Variants in PBRM1 observed in about 807,000 individuals in gnomAD.
The protein encoded by PBRM1 is polybromo 1, also known as protein polybromo-1.
PBRM1 carries 27 observed loss-of-function variants against 194.5 expected under a neutral mutation model. The ratio of observed to expected loss-of-function variants is 0.14; its 90% CI spans 0.10 to 0.19. PBRM1 has a LOEUF of 0.19. Among genes scored for constraint, PBRM1 ranks in the 10% least tolerant of loss-of-function variants. The pLI is 1.00. For synonymous variants in PBRM1, 655 were observed against 693.2 expected (o/e 0.94, Z 0.87); for missense variants, 1,466 against 2,077.2 (o/e 0.71, Z 5.72).
intron 5 of PBRM1, among the ~76,000 whole-genome samples, 176 bp downstream of exon 6, chr3:52,658,023 C>T (rs1189311543): frequency 6.6e-6 from 1 of 151,678 alleles, no homozygotes; most frequent in Non-Finnish European, 1.5e-5. Flanking sequence ...GAACTCCCAA[C>T]CTCAGATGAT....
intron 21 of PBRM1, among the ~76,000 whole-genome samples, chr3:52,576,901 A>G (rs548467331): frequency 2.0e-5 from 3 of 152,334 alleles, no homozygotes; most frequent in African/African-American, 7.2e-5. Context: ...GGAACATTTG[A>G]CTATTTTTCC....
chr3:52,616,177 CACTGAGG>C (rs1025310623), intron 14 of PBRM1, among the ~76,000 whole-genome samples: 15 of 152,310 alleles, frequency 9.8e-5, no homozygotes, highest in African/African-American at 3.6e-4. Flanking sequence ...TAGCCAATGA[CACTGAGG>C]ACTGTGTAAA....
intron 14 of PBRM1, among the ~76,000 whole-genome samples, chr3:52,616,903 C>T (rs77810318): frequency 0.014 from 2,081 of 152,244 alleles, 18 homozygotes; most frequent in South Asian, 0.035. Context: ...CAGTACCAGG[C>T]ACTCTGCTAA....
At chr3:52,670,922 T>C (rs1417763296) in intron 2 of PBRM1, among the ~76,000 whole-genome samples, 1 of 152,232 alleles carries the variant, frequency 6.6e-6, no homozygotes, top group Non-Finnish European at 1.5e-5. Context: ...CCAGCCTCAC[T>C]GCAGCTAGAT....
intron 14 of PBRM1, among the ~76,000 whole-genome samples, chr3:52,616,585 C>T (rs1443860012): frequency 1.3e-5 from 2 of 151,956 alleles, no homozygotes; most frequent in African/African-American, 2.4e-5. Flanking sequence ...CCCAGCTACT[C>T]GGGAGGCTGA....
chr3:52,570,842 C>A, intron 22 of PBRM1, among the ~76,000 whole-genome samples: 1 of 150,676 alleles, frequency 6.6e-6, no homozygotes. Context: ...TGTGTGTGTG[C>A]GCACATGTGT....
At chr3:52,681,782 G>C, upstream of PBRM1, 3 of 937,520 alleles carry the variant, frequency 3.2e-6, no homozygotes, top group Non-Finnish European at 3.9e-6. Flanking sequence ...GAGAAGGAAG[G>C]GCTTTAGAAG....
At chr3:52,558,953 A>G (rs2082807378) in intron 25 of PBRM1, among the ~76,000 whole-genome samples, 1 of 152,222 alleles carries the variant, frequency 6.6e-6, no homozygotes, top group African/African-American at 2.4e-5. Flanking sequence ...GTAAGGGAAA[A>G]GTAGCTGACT....
At chr3:52,665,987 A>C (rs573810872) in intron 3 of PBRM1, among the ~76,000 whole-genome samples, 1 of 152,354 alleles carries the variant, frequency 6.6e-6, no homozygotes, top group East Asian at 1.9e-4. Context: ...TGCATATTAA[A>C]ACTTCTTAGA....
intron 2 of PBRM1, among the ~76,000 whole-genome samples, chr3:52,669,846 G>T (rs1279602986): frequency 6.6e-6 from 1 of 152,260 alleles, no homozygotes; most frequent in South Asian, 2.1e-4. Context: ...TCAAAACCAG[G>T]AAGTGAATGT....
intron 22 of PBRM1, among the ~76,000 whole-genome samples, chr3:52,569,356 G>T (rs1180859157): frequency 6.6e-6 from 1 of 151,840 alleles, no homozygotes; most frequent in African/African-American, 2.4e-5. Flanking sequence ...GACTACAGGC[G>T]CCCGCCGCCA....
Position 52,565,665 on chromosome 3 carries a change from T to C in PBRM1, c.3692-1432A>G, listed in dbSNP as rs1389023668. 2.6e-5 allele frequency among the ~76,000 whole-genome samples: 4 copies of C among 151,876 alleles called. No individual in the cohort carries two copies. In the East Asian group the frequency reaches 7.7e-4, roughly 29 times the overall value. On this transcript the variant is annotated intron_variant, in intron 22 of 29. Transcript: ENST00000296302. ...AATATATATTCCTACAACTCAACAT[T>C]AAGACAAATATATAACCCAATTAAA... is the stretch of plus-strand genomic sequence containing the variant.
intron 22 of PBRM1, among the ~76,000 whole-genome samples, chr3:52,568,417 T>C (rs1287151119): frequency 1.3e-5 from 2 of 152,228 alleles, no homozygotes; most frequent in Non-Finnish European, 2.9e-5. Context: ...TTGCAAATAT[T>C]TTCTCAAGAT....
Position 52,570,860 on chromosome 3 carries a change from C to T in PBRM1, c.3691+5681G>A, listed in dbSNP as rs147480114. ...GTGTGTGCGCACATGTGTGCACATG[C>T]GTGTGCAGGTGCCCTACACATCTTT... On this transcript the variant is annotated intron_variant, in intron 22 of 29. Coordinates refer to ENST00000296302, the Ensembl canonical transcript of PBRM1. 3.0e-3 allele frequency among the ~76,000 whole-genome samples: 449 copies of T among 148,950 alleles called. 3 individuals are homozygous for T. Among genetic ancestry groups the T allele is most frequent in the African/African-American group, 0.011 (431 of 40,778 alleles).
chr3:52,660,791 G>C (rs1353633641), intron 4 of PBRM1, among the ~76,000 whole-genome samples: 1 of 152,108 alleles, frequency 6.6e-6, no homozygotes, highest in African/African-American at 2.4e-5. Context: ...GGGATTACAG[G>C]GGTGAGCCAC....
chr3:52,626,640 A>G (rs2095458001), intron 13 of PBRM1, among the ~76,000 whole-genome samples: 1 of 152,200 alleles, frequency 6.6e-6, no homozygotes, highest in African/African-American at 2.4e-5. Flanking sequence ...AATTCCTTAT[A>G]GGATCCCAGC....
exon 1 of PBRM1, chr3:52,679,636 C>G (rs1462165446): frequency 4.3e-6 from 7 of 1,613,922 alleles, no homozygotes; most frequent in Non-Finnish European, 4.2e-6. Flanking sequence ...GGTGTTGACA[C>G]AGAATGGTGC....
At chr3:52,634,683 G>C (rs778505553) in exon 11 of PBRM1, 1 of 1,613,700 alleles carries the variant, frequency 6.2e-7, no homozygotes, top group South Asian at 1.1e-5. Context: ...ATGGTAAAAA[G>C]GTTCAGCTAT....
At position 52,634,819 on chromosome 3, in the gene PBRM1, G is replaced by GAAAA. The variant is rs1319193927; in HGVS notation, c.1088-5_1088-4insTTTT. ...TCTCCCTCTTCATAGCGTGCAGCTG[G>GAAAA]AAAGACAAAAAAAGTATTTATAAAG... On this transcript the variant is annotated splice_polypyrimidine_tract_variant and splice_region_variant and intron_variant, in intron 10 of 29. Transcript: ENST00000296302. The GAAAA allele has an allele frequency of 1.2e-6, 2 of 1,601,342 alleles. No homozygotes were observed. The highest frequency in any genetic ancestry group is 2.2e-5 in the South Asian group (2 of 89,242).
Sources: gnomAD v4.1 joint callset for allele counts (sites outside exome capture counted in the v4.1 genomes callset) on GRCh38, gnomAD v4.1.1 for gene constraint, MANE v1.5 for transcripts, NCBI Gene and HGNC (gene_info 2026-07-23, HGNC 2026-07-21) for gene names.